Variants in PCDH11Y observed in about 807,000 individuals in gnomAD.
The protein encoded by PCDH11Y is protocadherin-11 Y-linked.
For synonymous variants in PCDH11Y, 9 were observed against 83.6 expected (o/e 0.11, Z 4.87); for missense variants, 12 against 224.8 (o/e 0.05, Z 6.05).
intron 2 of PCDH11Y, among the ~76,000 whole-genome samples, chrY:5,438,139 A>T: frequency 3.7e-5 from 1 of 27,059 alleles, no homozygotes; most frequent in Non-Finnish European, 8.7e-5. Context: ...GTATTTCTTT[A>T]TTAAAATCAT....
chrY:5,317,788 G>C, intron 2 of PCDH11Y, among the ~76,000 whole-genome samples: 1 of 33,129 alleles, frequency 3.0e-5, no homozygotes, highest in Non-Finnish European at 7.4e-5. Context: ...GGAACAGACT[G>C]TTACAAGGTG....
At chrY:5,530,164 T>C in intron 3 of PCDH11Y, among the ~76,000 whole-genome samples, 14 of 32,276 alleles carry the variant, frequency 4.3e-4, no homozygotes, top group Admixed American at 1.4e-3. Context: ...ATATACCTCA[T>C]TGATTTTAAC....
intron 2 of PCDH11Y, among the ~76,000 whole-genome samples, chrY:5,388,671 G>A (rs2053218741): frequency 6.0e-5 from 2 of 33,520 alleles, no homozygotes; most frequent in Non-Finnish European, 1.5e-4. Flanking sequence ...AGCTGGAACT[G>A]CAAGCTAGTC....
chrY:5,727,952 C>A, intron 4 of PCDH11Y, among the ~76,000 whole-genome samples: 1 of 32,549 alleles, frequency 3.1e-5, no homozygotes, highest in Non-Finnish European at 7.6e-5. Context: ...CAGCTCCTGG[C>A]GATCACCGGT....
At chrY:5,170,285 A>C (rs2052885342) in intron 2 of PCDH11Y, among the ~76,000 whole-genome samples, 1 of 28,153 alleles carries the variant, frequency 3.6e-5, no homozygotes, top group South Asian at 8.3e-4. Flanking sequence ...CACTGTGACT[A>C]TTCAAAATTC....
intron 2 of PCDH11Y, among the ~76,000 whole-genome samples, chrY:5,174,060 AT>A (rs2052889819): frequency 3.9e-5 from 1 of 25,367 alleles, no homozygotes; most frequent in Non-Finnish European, 9.1e-5. Context: ...TTTATGGCTG[AT>A]TAGTATGCTA....
At chrY:5,406,076 C>T in intron 2 of PCDH11Y, among the ~76,000 whole-genome samples, 1 of 30,289 alleles carries the variant, frequency 3.3e-5, no homozygotes, top group Non-Finnish European at 7.9e-5. Context: ...GACTTATAGC[C>T]ACTGAAATAC....
intron 4 of PCDH11Y, among the ~76,000 whole-genome samples, chrY:5,665,942 C>T (rs2053544347): frequency 3.0e-5 from 1 of 32,942 alleles, no homozygotes; most frequent in East Asian, 8.1e-4. Flanking sequence ...TGTTTCCTTG[C>T]AGTATTTCAA....
At chrY:5,468,656 T>TA (rs1569346054) in intron 2 of PCDH11Y, among the ~76,000 whole-genome samples, 20 of 26,100 alleles carry the variant, frequency 7.7e-4, no homozygotes, top group East Asian at 2.9e-3. Flanking sequence ...TCACTTTTTT[T>TA]AAAAAAAAAA....
chrY:5,690,147 C>T, intron 4 of PCDH11Y, among the ~76,000 whole-genome samples: 1 of 32,759 alleles, frequency 3.1e-5, no homozygotes, highest in South Asian at 6.8e-4. Flanking sequence ...ATTTGAAGGC[C>T]TCTTTTTAAA....
At chrY:5,113,092 C>T (rs2052803987) in intron 2 of PCDH11Y, among the ~76,000 whole-genome samples, 2 of 34,581 alleles carry the variant, frequency 5.8e-5, no homozygotes, top group African/African-American at 2.2e-4. Flanking sequence ...AAAGTTGTTT[C>T]TGCATTGCAA....
At chrY:5,237,310 A>G in intron 2 of PCDH11Y, among the ~76,000 whole-genome samples, 1 of 33,291 alleles carries the variant, frequency 3.0e-5, no homozygotes, top group Admixed American at 2.8e-4. Context: ...TGTGGGTTTG[A>G]TTTCAGACCA....
At chrY:5,690,936 T>G in intron 4 of PCDH11Y, among the ~76,000 whole-genome samples, 1 of 31,684 alleles carries the variant, frequency 3.2e-5, no homozygotes, top group Non-Finnish European at 7.6e-5. Context: ...TTATATTTAT[T>G]GCAAGCTTCA....
intron 2 of PCDH11Y, among the ~76,000 whole-genome samples, chrY:5,230,642 C>T: frequency 6.5e-5 from 2 of 30,733 alleles, no homozygotes; most frequent in African/African-American, 1.3e-4. Flanking sequence ...GTTGAATCTG[C>T]TTTATGTTCG....
intron 2 of PCDH11Y, among the ~76,000 whole-genome samples, chrY:5,366,789 C>T (rs2124672608): frequency 4.0e-5 from 1 of 25,011 alleles, no homozygotes; most frequent in South Asian, 9.7e-4. Flanking sequence ...GGAGCAATCT[C>T]GGCTCACTGC....
At chrY:5,161,919 TC>T (rs2052874952) in intron 2 of PCDH11Y, among the ~76,000 whole-genome samples, 2 of 30,487 alleles carry the variant, frequency 6.6e-5, no homozygotes, top group Non-Finnish European at 1.6e-4. Context: ...CAGCTCACAA[TC>T]TTGAGGGAGT....
chrY:5,739,869 G>A (rs2053615190), exon 5 of PCDH11Y: 1 of 33,090 alleles, frequency 3.0e-5, no homozygotes, highest in Non-Finnish European at 7.5e-5. Flanking sequence ...TGTGAATCCC[G>A]AAGGACTGAT....
intron 2 of PCDH11Y, among the ~76,000 whole-genome samples, chrY:5,308,662 A>AAAC (rs2053093010): frequency 9.0e-5 from 3 of 33,448 alleles, no homozygotes; most frequent in East Asian, 1.6e-3. Flanking sequence ...ACTCCGTCAA[A>AAAC]AACAACAACA....
chrY:5,264,603 T>C, intron 2 of PCDH11Y, among the ~76,000 whole-genome samples: 1 of 33,026 alleles, frequency 3.0e-5, no homozygotes, highest in Non-Finnish European at 7.5e-5. Flanking sequence ...CCTAGTGCCC[T>C]ATCCTATTTT....
Sources: allele counts gnomAD v4.1 joint callset (sites outside exome capture counted in the v4.1 genomes callset), GRCh38; gene constraint gnomAD v4.1.1; transcripts MANE v1.5; gene names NCBI Gene and HGNC (gene_info 2026-07-23, HGNC 2026-07-21).